Variants in DEK observed in about 807,000 individuals in gnomAD.
The protein encoded by DEK is protein DEK.
Under a neutral mutation model 46.8 loss-of-function variants are expected in DEK, and 28 were observed. The observed-to-expected ratio is 0.60, with a 90% CI of 0.44 to 0.82. The LOEUF (loss-of-function observed/expected upper bound fraction) is 0.82, where lower values mean the gene tolerates loss of function less well. Ranked by LOEUF, DEK falls within the 40% of genes least tolerant of loss-of-function variation. DEK has a pLI of 0.00. For missense variants in DEK, 416 were observed against 430.6 expected (o/e 0.97, Z 0.30); for synonymous variants, 160 against 144.5 (o/e 1.11, Z -0.77).
At chr6:18,260,129 A>G (rs942041420) in intron 2 of DEK, among the ~76,000 whole-genome samples, 5 of 152,156 alleles carry the variant, frequency 3.3e-5, no homozygotes, top group South Asian at 2.1e-4. Context: ...CAAGTCCCTT[A>G]TTTTTTAAAA....
chr6:18,260,461 A>G (rs997545325), intron 2 of DEK, among the ~76,000 whole-genome samples: 1 of 152,126 alleles, frequency 6.6e-6, no homozygotes, highest in African/African-American at 2.4e-5. Flanking sequence ...AAAAATCATA[A>G]TCATCTCCAA....
chr6:18,243,750 A>G (rs1417525862), intron 7 of DEK, among the ~76,000 whole-genome samples: 4 of 152,260 alleles, frequency 2.6e-5, no homozygotes, highest in Non-Finnish European at 5.9e-5. Flanking sequence ...AACAGCATTT[A>G]GCATACTCCC....
intron 7 of DEK, among the ~76,000 whole-genome samples, chr6:18,246,728 CA>C (rs1347979813): frequency 6.6e-6 from 1 of 152,134 alleles, no homozygotes; most frequent in Non-Finnish European, 1.5e-5. Flanking sequence ...ACTCGGCTTG[CA>C]TAAGATTTCT....
intron 7 of DEK, among the ~76,000 whole-genome samples, 200 bp from the exon 8 acceptor site, chr6:18,237,716 T>TCA (rs370681153): frequency 5.9e-5 from 9 of 151,856 alleles, no homozygotes; most frequent in Admixed American, 5.3e-4. Flanking sequence ...CAAATCACAA[T>TCA]CACACACACA....
intron 5 of DEK, 143 bp downstream of exon 5, chr6:18,256,218 C>T (rs1791589453): frequency 1.5e-6 from 1 of 647,154 alleles, no homozygotes; most frequent in Non-Finnish European, 2.6e-6. Context: ...AACTCCTGAC[C>T]TCAGGTGATA....
At chr6:18,260,956 A>C (rs1791831105) in intron 2 of DEK, among the ~76,000 whole-genome samples, 1 of 149,290 alleles carries the variant, frequency 6.7e-6, no homozygotes, top group Admixed American at 6.7e-5. Flanking sequence ...ACTGCACTCC[A>C]GCCTGGGTGA....
chr6:18,255,899 A>G, intron 5 of DEK, 48 bp from the exon 6 acceptor site: 1 of 1,564,296 alleles, frequency 6.4e-7, no homozygotes, highest in Non-Finnish European at 8.6e-7. Flanking sequence ...AGGAAAGCTT[A>G]CATATGTTCT....
chr6:18,228,001 T>C (rs887513134), intron 9 of DEK, among the ~76,000 whole-genome samples: 3 of 152,200 alleles, frequency 2.0e-5, no homozygotes, highest in Admixed American at 6.5e-5. Flanking sequence ...ACTAAATTTC[T>C]GCCTTTTGTC....
chr6:18,238,643 G>A (rs112547844), intron 7 of DEK, among the ~76,000 whole-genome samples: 57 of 149,446 alleles, frequency 3.8e-4, no homozygotes, highest in African/African-American at 1.3e-3. Context: ...GTTGCAGTGA[G>A]TGGAGATCAT....
intron 9 of DEK, among the ~76,000 whole-genome samples, chr6:18,227,589 GA>G (rs1790199038): frequency 6.6e-6 from 1 of 151,790 alleles, no homozygotes; most frequent in Admixed American, 6.6e-5. Flanking sequence ...CTGGTCCCCT[GA>G]GTCCCCTTAT....
intron 6 of DEK, 105 bp from the exon 7 acceptor site, chr6:18,249,944 T>C (rs1053901529): frequency 6.3e-5 from 90 of 1,431,038 alleles, no homozygotes; most frequent in Non-Finnish European, 7.2e-5. Flanking sequence ...CTCAAGAAAT[T>C]GTATTTACAA....
intron 5 of DEK, 65 bp downstream of exon 5, chr6:18,256,296 T>G (rs1791593034): frequency 7.0e-7 from 1 of 1,422,490 alleles, no homozygotes; most frequent in East Asian, 2.5e-5. Context: ...CCGAATGTGA[T>G]TTAACATTAA....
In DEK at chr6:18,256,427, T is replaced by TG; in HGVS notation, c.385dup (p.Gln129ProfsTer8). On this transcript the variant is annotated frameshift_variant, in exon 5 of 11. Coordinates refer to ENST00000652689, the MANE Select transcript of DEK (RefSeq NM_003472.4). LOFTEE classifies it high-confidence loss of function. ...TTTTTCAAATGGAAAGCCACTGAAC[T>TG]GACCCACATTCTTCTTTAATGAGGA... The TG allele has an allele frequency of 6.2e-7, 1 of 1,613,202 alleles. No homozygotes were observed. Among genetic ancestry groups the TG allele is most frequent in the Non-Finnish European group, 8.5e-7 (1 of 1,179,630 alleles).
At chr6:18,254,448 A>G (rs1791520528) in intron 6 of DEK, among the ~76,000 whole-genome samples, 1 of 152,226 alleles carries the variant, frequency 6.6e-6, no homozygotes, top group East Asian at 1.9e-4. Flanking sequence ...GTACAAAAAC[A>G]TAAAATGCCA....
At chr6:18,262,488 A>G (rs1791921546) in intron 2 of DEK, among the ~76,000 whole-genome samples, 1 of 152,066 alleles carries the variant, frequency 6.6e-6, no homozygotes, top group Non-Finnish European at 1.5e-5. Context: ...TAAAATTTCT[A>G]CAACATCATG....
At chr6:18,228,880 C>A (rs998435615) in intron 9 of DEK, among the ~76,000 whole-genome samples, 1 of 152,222 alleles carries the variant, frequency 6.6e-6, no homozygotes, top group African/African-American at 2.4e-5. Context: ...CGAGGAAGCT[C>A]GAACTGGGTG....
At chr6:18,258,188 A>G (rs1791685007) in intron 3 of DEK, 116 bp downstream of exon 3, 2 of 1,111,964 alleles carry the variant, frequency 1.8e-6, no homozygotes. Context: ...AGCAAATTAA[A>G]TAAAATTATA....
At chr6:18,240,230 A>T (rs1052074708) in intron 7 of DEK, among the ~76,000 whole-genome samples, 1 of 152,228 alleles carries the variant, frequency 6.6e-6, no homozygotes, top group South Asian at 2.1e-4. Flanking sequence ...TTACTTCTGT[A>T]TAACAAAACC....
intron 2 of DEK, among the ~76,000 whole-genome samples, chr6:18,260,119 C>G (rs1791789050): frequency 6.6e-6 from 1 of 152,114 alleles, no homozygotes; most frequent in Non-Finnish European, 1.5e-5. Context: ...CATGGATGCT[C>G]AAGTCCCTTA....
Sources: gnomAD v4.1 joint callset for allele counts (sites outside exome capture counted in the v4.1 genomes callset) on GRCh38, gnomAD v4.1.1 for gene constraint, MANE v1.5 for transcripts, NCBI Gene and HGNC (gene_info 2026-07-23, HGNC 2026-07-21) for gene names.